Variants in TOP6BL observed in about 807,000 individuals in gnomAD.
The protein encoded by TOP6BL is TOP6B like initiator of meiotic double strand breaks, also known as type 2 DNA topoisomerase 6 subunit B-like.
At chr11:66,821,768 A>G in the TOP6BL span, 72 of 1,612,894 alleles carry the variant, frequency 4.5e-5, no homozygotes, top group Middle Eastern at 1.6e-4. Context: ...TGCCAAGGTA[A>G]TAAGGAATTC....
chr11:66,800,064 CAAAA>C, the TOP6BL span, among the ~76,000 whole-genome samples: 3 of 107,680 alleles, frequency 2.8e-5, no homozygotes, highest in Non-Finnish European at 4.0e-5. Flanking sequence ...GACCCTGTCT[CAAAA>C]AAAAAAAAAA....
the TOP6BL span, among the ~76,000 whole-genome samples, chr11:66,819,206 C>T: frequency 6.6e-6 from 1 of 152,094 alleles, no homozygotes; most frequent in South Asian, 2.1e-4. Flanking sequence ...CTTAATTGGC[C>T]TTATGCCCAC....
chr11:66,772,561 G>A, the TOP6BL span, among the ~76,000 whole-genome samples: 1 of 152,212 alleles, frequency 6.6e-6, no homozygotes, highest in Non-Finnish European at 1.5e-5. Flanking sequence ...CTGAAGTCAG[G>A]AATTCGAGAC....
chr11:66,825,432 A>C, the TOP6BL span, among the ~76,000 whole-genome samples: 11 of 151,096 alleles, frequency 7.3e-5, no homozygotes, highest in Non-Finnish European at 1.6e-4. Context: ...TGAAGGTTGT[A>C]GTGAGCTGAG....
At chr11:66,831,722 G>A in the TOP6BL span, among the ~76,000 whole-genome samples, 2 of 152,086 alleles carry the variant, frequency 1.3e-5, no homozygotes, top group South Asian at 4.1e-4. Context: ...TCGGCCGGGT[G>A]CGGTGGCTCA....
At chr11:66,818,470 C>T in the TOP6BL span, among the ~76,000 whole-genome samples, 3 of 152,058 alleles carry the variant, frequency 2.0e-5, no homozygotes, top group Admixed American at 6.6e-5. Context: ...TGTGAGGATT[C>T]CTGGGGCTGT....
the TOP6BL span, among the ~76,000 whole-genome samples, chr11:66,777,089 ATATATC>A: frequency 3.4e-5 from 5 of 146,174 alleles, no homozygotes; most frequent in African/African-American, 4.9e-5. Context: ...ATATATATCT[ATATATC>A]TATATCTATA....
chr11:66,832,669 C>G, the TOP6BL span, among the ~76,000 whole-genome samples: 28 of 152,368 alleles, frequency 1.8e-4, 1 homozygote, highest in South Asian at 2.7e-3. Flanking sequence ...GTCCACTGTT[C>G]CTTTCAGCTG....
At chr11:66,815,522 A>G in the TOP6BL span, among the ~76,000 whole-genome samples, 5 of 152,244 alleles carry the variant, frequency 3.3e-5, no homozygotes, top group Non-Finnish European at 7.3e-5. Flanking sequence ...AGCAAAGTCT[A>G]GAACTCAGTT....
chr11:66,769,921 A>G, the TOP6BL span, among the ~76,000 whole-genome samples: 3 of 148,174 alleles, frequency 2.0e-5, no homozygotes, highest in Admixed American at 1.3e-4. Context: ...TTTTTTTTGT[A>G]TTTTTAGTAG....
At chr11:66,816,316 G>T in the TOP6BL span, 1 of 1,148,606 alleles carries the variant, frequency 8.7e-7, no homozygotes, top group Non-Finnish European at 1.2e-6. Context: ...AATAAGTTCA[G>T]TGAAAAACCT....
the TOP6BL span, chr11:66,800,773 A>G: frequency 3.5e-5 from 45 of 1,299,178 alleles, no homozygotes; most frequent in South Asian, 3.7e-4. Context: ...CCTATTTCCA[A>G]AAGGTTCACA....
the TOP6BL span, among the ~76,000 whole-genome samples, chr11:66,826,271 A>T: frequency 1.3e-5 from 2 of 152,208 alleles, no homozygotes; most frequent in Non-Finnish European, 2.9e-5. Flanking sequence ...TAACCAAAGC[A>T]TTCTATTTTC....
chr11:66,785,237 G>C, the TOP6BL span, among the ~76,000 whole-genome samples: 2 of 151,930 alleles, frequency 1.3e-5, no homozygotes, highest in African/African-American at 4.8e-5. Flanking sequence ...GGGATTACAG[G>C]CATGAGCCAC....
the TOP6BL span, chr11:66,815,590 T>C: frequency 1.3e-5 from 2 of 153,822 alleles, no homozygotes. Context: ...CCTCTTTTCT[T>C]ATCTGTAAAA....
At chr11:66,772,585 A>G in the TOP6BL span, among the ~76,000 whole-genome samples, 1 of 152,234 alleles carries the variant, frequency 6.6e-6, no homozygotes, top group South Asian at 2.1e-4. Context: ...CCTCGCCAAC[A>G]TGGCGAAACC....
the TOP6BL span, chr11:66,843,417 G>C: frequency 2.8e-6 from 4 of 1,404,604 alleles, no homozygotes; most frequent in African/African-American, 4.6e-5. Context: ...ACACCTCCCT[G>C]GGACTGCGTC....
the TOP6BL span, among the ~76,000 whole-genome samples, chr11:66,793,175 T>C: frequency 6.6e-6 from 1 of 151,816 alleles, no homozygotes; most frequent in African/African-American, 2.4e-5. Context: ...GCAACCTCCA[T>C]TCCAGGTTCA....
the TOP6BL span, chr11:66,800,957 G>T: frequency 6.5e-7 from 1 of 1,528,834 alleles, no homozygotes; most frequent in Non-Finnish European, 9.0e-7. Context: ...AGTAGTCATG[G>T]GCCAAAATTT....
Sources: gnomAD v4.1 joint callset for allele counts (sites outside exome capture counted in the v4.1 genomes callset) on GRCh38, gnomAD v4.1.1 for gene constraint, MANE v1.5 for transcripts, NCBI Gene and HGNC (gene_info 2026-07-23, HGNC 2026-07-21) for gene names.